The following BCL2 variants were observed in gnomAD, a reference collection of about 807,000 sequenced individuals.
BCL2 encodes BCL2 apoptosis regulator, also known as apoptosis regulator Bcl-2.
In BCL2, 1 loss-of-function variant was observed where a neutral mutation model predicts 14.2. That is an observed-to-expected ratio of 0.07 (90% CI 0.02 to 0.33). The LOEUF is 0.33. BCL2 is among the 10% of genes least tolerant of loss of function. The pLI, the probability that BCL2 is intolerant of heterozygous loss-of-function variation, is 0.99. For missense variants in BCL2, 247 were observed against 305.9 expected (o/e 0.81, Z 1.44); for synonymous variants, 151 against 137.2 (o/e 1.10, Z -0.70).
chr18:63,249,500 A>G (rs1911244009), intron 2 of BCL2, among the ~76,000 whole-genome samples: 5 of 152,166 alleles, frequency 3.3e-5, no homozygotes, highest in African/African-American at 7.2e-5. Context: ...TGAGGTCAGG[A>G]ATTCAAGACC....
chr18:63,247,663 G>A (rs545238216), intron 2 of BCL2, among the ~76,000 whole-genome samples: 85 of 152,210 alleles, frequency 5.6e-4, no homozygotes, highest in Middle Eastern at 6.8e-3. Flanking sequence ...GGTGGAGAGC[G>A]TCCTGAATGG....
At chr18:63,172,046 T>C (rs1180484449) in intron 2 of BCL2, among the ~76,000 whole-genome samples, 1 of 152,246 alleles carries the variant, frequency 6.6e-6, no homozygotes, top group Non-Finnish European at 1.5e-5. Context: ...ATTTGTTATA[T>C]ATCAGAGTTA....
At chr18:63,291,717 T>C (rs1020943277) in intron 2 of BCL2, among the ~76,000 whole-genome samples, 2 of 132,890 alleles carry the variant, frequency 1.5e-5, no homozygotes, top group Admixed American at 7.7e-5. Flanking sequence ...GGAGTACTCA[T>C]GAGTATTTCT....
At chr18:63,234,082 T>C (rs767857041) in intron 2 of BCL2, among the ~76,000 whole-genome samples, 6 of 152,330 alleles carry the variant, frequency 3.9e-5, no homozygotes, top group Admixed American at 6.5e-5. Context: ...TCTTTTAAAA[T>C]TTAATTTTAT....
At chr18:63,266,998 G>A (rs1320203660) in intron 2 of BCL2, among the ~76,000 whole-genome samples, 1 of 152,208 alleles carries the variant, frequency 6.6e-6, no homozygotes, top group Non-Finnish European at 1.5e-5. Flanking sequence ...AGTTAGGCAA[G>A]GAGGAGAGAA....
At chr18:63,131,693 A>G (rs1914074283) in intron 2 of BCL2, among the ~76,000 whole-genome samples, 1 of 152,222 alleles carries the variant, frequency 6.6e-6, no homozygotes, top group Non-Finnish European at 1.5e-5. Flanking sequence ...GTTGTCTGCA[A>G]TTTGGCTTGA....
At chr18:63,172,140 T>C (rs1915236521) in intron 2 of BCL2, among the ~76,000 whole-genome samples, 1 of 152,228 alleles carries the variant, frequency 6.6e-6, no homozygotes, top group Non-Finnish European at 1.5e-5. Context: ...CATGTTGAGC[T>C]TAGCATGGTC....
At chr18:63,296,984 G>A (rs989356144) in intron 2 of BCL2, among the ~76,000 whole-genome samples, 3 of 152,132 alleles carry the variant, frequency 2.0e-5, no homozygotes, top group African/African-American at 4.8e-5. Context: ...AGGCCGAGGC[G>A]GGCGGACCAC....
intron 2 of BCL2, among the ~76,000 whole-genome samples, chr18:63,270,974 C>A (rs560343599): frequency 1.3e-5 from 2 of 152,244 alleles, no homozygotes; most frequent in South Asian, 4.1e-4. Flanking sequence ...CATGTGGCCA[C>A]CACACCTGGC....
intron 2 of BCL2, among the ~76,000 whole-genome samples, chr18:63,286,381 C>CA (rs1424301252): frequency 2.0e-5 from 3 of 151,924 alleles, no homozygotes; most frequent in African/African-American, 7.3e-5. Flanking sequence ...GATGTAGACA[C>CA]AAAATGAATA....
upstream of BCL2, chr18:63,319,955 C>G (rs1350687556): frequency 6.3e-6 from 1 of 158,066 alleles, no homozygotes; most frequent in South Asian, 2.0e-4. Flanking sequence ...ACGGCCGCCT[C>G]CCGGAGCTCC....
At chr18:63,304,994 G>A (rs901641379) in intron 2 of BCL2, among the ~76,000 whole-genome samples, 19 of 152,160 alleles carry the variant, frequency 1.2e-4, no homozygotes, top group Admixed American at 9.8e-4. Flanking sequence ...GTTTTACAGG[G>A]CCTTCAAGTG....
chr18:63,150,649 T>G (rs1455725433), intron 2 of BCL2, among the ~76,000 whole-genome samples: 1 of 152,188 alleles, frequency 6.6e-6, no homozygotes, highest in Non-Finnish European at 1.5e-5. Context: ...AGAATTAGAC[T>G]CTGCTCAGCC....
chr18:63,130,721 T>A (rs1438062960), intron 2 of BCL2, among the ~76,000 whole-genome samples: 1 of 152,210 alleles, frequency 6.6e-6, no homozygotes, highest in Non-Finnish European at 1.5e-5. Flanking sequence ...TGTTTAAAAC[T>A]TTTGCTATTA....
chr18:63,170,098 T>G (rs1915186553), intron 2 of BCL2, among the ~76,000 whole-genome samples: 1 of 152,132 alleles, frequency 6.6e-6, no homozygotes. Context: ...CTGCATGACC[T>G]TGCGCAAGCT....
At chr18:63,281,888 A>G (rs1453905360) in intron 2 of BCL2, among the ~76,000 whole-genome samples, 1 of 152,128 alleles carries the variant, frequency 6.6e-6, no homozygotes, top group East Asian at 1.9e-4. Context: ...CGGTTTGTTT[A>G]TTTGTGTTGT....
chr18:63,268,130 C>A (rs895230920), intron 2 of BCL2, among the ~76,000 whole-genome samples: 2 of 152,164 alleles, frequency 1.3e-5, no homozygotes, highest in East Asian at 3.8e-4. Flanking sequence ...CCGTGAGTAG[C>A]CTGAAGACCT....
intron 2 of BCL2, among the ~76,000 whole-genome samples, chr18:63,248,619 GAGAC>G (rs1272602236): frequency 6.6e-6 from 1 of 152,170 alleles, no homozygotes; most frequent in African/African-American, 2.4e-5. Flanking sequence ...GCTTCATAGA[GAGAC>G]AGAGAATAAG....
intron 2 of BCL2, among the ~76,000 whole-genome samples, chr18:63,169,332 C>A (rs1474838873): frequency 2.8e-5 from 1 of 35,766 alleles, no homozygotes; most frequent in African/African-American, 2.3e-4. Flanking sequence ...TCTTTCCTTT[C>A]CTTCCTTTCT....
Sources: gnomAD v4.1 joint callset for allele counts (sites outside exome capture counted in the v4.1 genomes callset) on GRCh38, gnomAD v4.1.1 for gene constraint, MANE v1.5 for transcripts, NCBI Gene and HGNC (gene_info 2026-07-23, HGNC 2026-07-21) for gene names.